SFRP1: variants seen among roughly 807,000 people sequenced by gnomAD.
The protein encoded by SFRP1 is secreted frizzled-related protein 1.
In SFRP1, 9 loss-of-function variants were observed where a neutral mutation model predicts 25.9. The observed-to-expected ratio is 0.35, with a 90% CI of 0.21 to 0.61. The LOEUF is 0.61. SFRP1 is among the 20% of genes least tolerant of loss of function. SFRP1 has a pLI of 0.78. For synonymous variants in SFRP1, 178 were observed against 174.0 expected (o/e 1.02, Z -0.18); for missense variants, 346 against 418.2 (o/e 0.83, Z 1.51).
chr8:41,281,633 G>A (rs781211716), intron 2 of SFRP1, among the ~76,000 whole-genome samples: 7 of 152,134 alleles, frequency 4.6e-5, no homozygotes, highest in Non-Finnish European at 1.0e-4. Context: ...CAAGTCACAG[G>A]GTCAATCTGT....
intron 2 of SFRP1, among the ~76,000 whole-genome samples, chr8:41,288,556 A>C (rs1462173292): frequency 6.9e-6 from 1 of 145,542 alleles, no homozygotes; most frequent in East Asian, 2.0e-4. Flanking sequence ...AAAAAAAAAA[A>C]AAAAAAAAAA....
In SFRP1 at chr8:41,286,765, C is replaced by T. The variant is rs191425029; in HGVS notation, c.622+16696G>A. Among the ~76,000 whole-genome samples, 37 of 152,300 alleles carry T rather than the reference C, an allele frequency of 2.4e-4. No individual in the cohort carries two copies. The East Asian group carries it at 5.0e-3, about 21-fold the overall frequency. ...ACTCATTTCAAGGGTAGGATTCATA[C>T]GCTGCTGGTGACCTAAAGAGATGGG... On this transcript the variant is annotated intron_variant, in intron 2 of 2. Transcript: ENST00000220772.
At chr8:41,297,761 C>T (rs1291760439) in intron 2 of SFRP1, among the ~76,000 whole-genome samples, 2 of 152,062 alleles carry the variant, frequency 1.3e-5, no homozygotes, top group Non-Finnish European at 2.9e-5. Context: ...GTGTTCTTTC[C>T]ATTCTGCTAC....
chr8:41,303,902 C>T (rs999522094), intron 1 of SFRP1, among the ~76,000 whole-genome samples: 1 of 152,164 alleles, frequency 6.6e-6, no homozygotes. Flanking sequence ...TGTTTCCCAT[C>T]CTCTCCCTTC....
intron 2 of SFRP1, among the ~76,000 whole-genome samples, chr8:41,273,651 G>A (rs13254926): frequency 0.34 from 51,278 of 151,932 alleles, 9,117 homozygotes; most frequent in Non-Finnish European, 0.38. Context: ...AACAAGACAC[G>A]GGATTCAGGA....
chr8:41,270,492 C>A (rs980666869), intron 2 of SFRP1, among the ~76,000 whole-genome samples: 6 of 152,108 alleles, frequency 3.9e-5, no homozygotes, highest in African/African-American at 7.2e-5. Flanking sequence ...CAGTAAAAAA[C>A]AAGCCCATTT....
chr8:41,307,778 G>T (rs1221343331), intron 1 of SFRP1, among the ~76,000 whole-genome samples: 1 of 152,046 alleles, frequency 6.6e-6, no homozygotes, highest in Non-Finnish European at 1.5e-5. Flanking sequence ...AGGGGGTTTT[G>T]AGAGGAACCT....
At chr8:41,271,020 G>A (rs1478172906) in intron 2 of SFRP1, 1 of 154,078 alleles carries the variant, frequency 6.5e-6, no homozygotes, top group African/African-American at 2.4e-5. Flanking sequence ...ATATGCCTGT[G>A]TCAGAGGATT....
rs181046670 is a variant in SFRP1, at chr8:41,295,350, G to A, written c.622+8111C>T. The stretch of plus-strand genomic sequence containing the variant: ...CATTCCAGTCTGCGCAACAGAGGGA[G>A]ACTCCGTCTCAAAAAAAAAGAAAAA... On this transcript the variant is annotated intron_variant, in intron 2 of 2. Transcript: ENST00000220772. Among the ~76,000 whole-genome samples the A allele has an allele frequency of 3.2e-4, 48 of 151,866 alleles. No homozygotes were observed. In the East Asian group the frequency reaches 7.8e-3, roughly 25 times the overall value.
intron 2 of SFRP1, among the ~76,000 whole-genome samples, chr8:41,268,360 C>G (rs1803461512): frequency 6.6e-6 from 1 of 152,192 alleles, no homozygotes; most frequent in African/African-American, 2.4e-5. Flanking sequence ...TCTTTCCTGC[C>G]ATACACACCA....
At chr8:41,304,104 G>A (rs537295871) in intron 1 of SFRP1, among the ~76,000 whole-genome samples, 10 of 152,222 alleles carry the variant, frequency 6.6e-5, no homozygotes, top group South Asian at 2.1e-4. Flanking sequence ...CAGGGCAGGC[G>A]GGCGGGGTGG....
In SFRP1 at chr8:41,309,346, G is replaced by A. The variant is rs1174933674; in HGVS notation, c.-187C>T. Reference sequence around the variant, plus strand: ...TGGCGGCCCTCGGCCTGCGGTCGGAGGCGGCGCGGGCGGGGAGGCGGCGCT... The same window carrying A: ...TGGCGGCCCTCGGCCTGCGGTCGGAAGCGGCGCGGGCGGGGAGGCGGCGCT... On this transcript the variant is annotated 5_prime_UTR_variant, in exon 1 of 3. Transcript: ENST00000220772. 1.9e-6 allele frequency: 1 copy of A among 520,036 alleles called. No homozygotes were observed. Among genetic ancestry groups the A allele is most frequent in the Non-Finnish European group, 2.7e-6 (1 of 367,568 alleles). 32.2% of individuals were successfully genotyped at this position (520,036 alleles called of 1,614,324 possible). A position where few individuals can be genotyped will look rare whatever the true frequency, so the allele number is the denominator to read the frequency against.
intron 2 of SFRP1, among the ~76,000 whole-genome samples, chr8:41,296,216 T>G (rs1444371768): frequency 6.6e-6 from 1 of 152,256 alleles, no homozygotes; most frequent in Non-Finnish European, 1.5e-5. Context: ...GTATTATATG[T>G]GTCTGGCTTT....
At chr8:41,293,528 C>A (rs1246513511) in intron 2 of SFRP1, among the ~76,000 whole-genome samples, 6 of 152,084 alleles carry the variant, frequency 3.9e-5, no homozygotes, top group Non-Finnish European at 7.3e-5. Flanking sequence ...CTCCTGACAC[C>A]AGGAATGCCC....
chr8:41,306,392 G>A (rs1170095760), intron 1 of SFRP1, among the ~76,000 whole-genome samples: 1 of 152,116 alleles, frequency 6.6e-6, no homozygotes, highest in African/African-American at 2.4e-5. Flanking sequence ...ATTCTCATTG[G>A]AAAGTGCCAG....
At chr8:41,283,969 G>A (rs1197300698) in intron 2 of SFRP1, among the ~76,000 whole-genome samples, 1 of 152,132 alleles carries the variant, frequency 6.6e-6, no homozygotes, top group African/African-American at 2.4e-5. Context: ...ACCTACTGCT[G>A]TACACAAGGT....
intron 2 of SFRP1, among the ~76,000 whole-genome samples, chr8:41,272,476 G>C (rs1251094697): frequency 1.3e-5 from 2 of 152,194 alleles, no homozygotes; most frequent in African/African-American, 4.8e-5. Flanking sequence ...CTGTGTGGTG[G>C]CATGTGCCTA....
In SFRP1 at chr8:41,262,092, TAAAA is replaced by T. The variant is rs1258833968; in HGVS notation, c.*3071_*3074del. ...ATCAAAACATCTGGTAAAATGCAGT[TAAAA>T]AAACAACACAAATGAAATGGAATGT... On this transcript the variant is annotated 3_prime_UTR_variant, in exon 3 of 3. Coordinates refer to ENST00000220772, the MANE Select transcript of SFRP1 (RefSeq NM_003012.5). 1 of 152,442 alleles carries T rather than the reference TAAAA, an allele frequency of 6.6e-6. No homozygotes were observed. Among genetic ancestry groups the T allele is most frequent in the Non-Finnish European group, 1.5e-5 (1 of 68,006 alleles). 9.4% of individuals were successfully genotyped at this position (152,442 alleles called of 1,614,324 possible).
chr8:41,306,212 T>C (rs1417664254), intron 1 of SFRP1, among the ~76,000 whole-genome samples: 1 of 152,220 alleles, frequency 6.6e-6, no homozygotes, highest in Non-Finnish European at 1.5e-5. Context: ...GGTTTCTCCT[T>C]AATAACACAT....
Sources: allele counts gnomAD v4.1 joint callset (sites outside exome capture counted in the v4.1 genomes callset), GRCh38; gene constraint gnomAD v4.1.1; transcripts MANE v1.5; gene names NCBI Gene and HGNC (gene_info 2026-07-23, HGNC 2026-07-21).